Variants in NUP214 observed in about 807,000 individuals in gnomAD.
NUP214 encodes the protein nuclear pore complex protein Nup214.
A neutral mutation model predicts 196.2 loss-of-function variants in NUP214; 79 were observed. The ratio of observed to expected loss-of-function variants is 0.40; its 90% CI spans 0.34 to 0.49. The LOEUF is 0.49. Ranked by LOEUF, NUP214 falls within the 20% of genes least tolerant of loss-of-function variation. The probability of loss-of-function intolerance (pLI) is 0.58; values close to 1 mark genes in which losing one functional copy is unlikely to be tolerated. For missense variants in NUP214, 2,468 were observed against 2,539.0 expected (o/e 0.97, Z 0.60); for synonymous variants, 1,020 against 990.5 (o/e 1.03, Z -0.56).
intron 30 of NUP214, among the ~76,000 whole-genome samples, chr9:131,207,306 G>C (rs1257970453): frequency 6.6e-6 from 1 of 152,194 alleles, no homozygotes; most frequent in Non-Finnish European, 1.5e-5. Context: ...GGACTTAGTA[G>C]GGATGGCTTG....
chr9:131,152,462 G>A (rs1022144659), intron 17 of NUP214, among the ~76,000 whole-genome samples: 14 of 151,736 alleles, frequency 9.2e-5, no homozygotes, highest in African/African-American at 2.9e-4. Context: ...GTTGAAACAT[G>A]TAAGTTGAAT....
intron 9 of NUP214, chr9:131,136,956 T>A (rs922575298): frequency 2.0e-5 from 3 of 152,240 alleles, no homozygotes; most frequent in African/African-American, 7.2e-5. Flanking sequence ...GCTCCACCCA[T>A]ACATAGGTAC....
Position 131,129,620 on chromosome 9 carries a change from T to A in NUP214, c.592+143T>A. On this transcript the variant is annotated intron_variant, in intron 4 of 35. Coordinates refer to ENST00000359428, the MANE Select transcript of NUP214 (RefSeq NM_005085.4). The stretch of plus-strand genomic sequence containing the variant: ...GGAGGTTAAGGATGGAAGGTATTCT[T>A]TTTTGAGACAGTCTCACTGTGTCGC... 3.8e-6 allele frequency: 3 copies of A among 782,024 alleles called. No individual in the cohort carries two copies. The Admixed American group carries it at 7.4e-5, about 19-fold the overall frequency. 48.4% of individuals were successfully genotyped at this position (782,024 alleles called of 1,614,324 possible).
chr9:131,172,212 C>G (rs983847732), intron 21 of NUP214, among the ~76,000 whole-genome samples: 1 of 151,618 alleles, frequency 6.6e-6, no homozygotes, highest in Non-Finnish European at 1.5e-5. Context: ...CTCTCCAGCA[C>G]CTGTTGTTTC....
At chr9:131,214,508 C>T (rs1834338582) in intron 30 of NUP214, among the ~76,000 whole-genome samples, 1 of 152,218 alleles carries the variant, frequency 6.6e-6, no homozygotes, top group African/African-American at 2.4e-5. Flanking sequence ...GGAGAGATGA[C>T]ACTTAACTAA....
At chr9:131,156,428 G>A (rs556142044) in intron 17 of NUP214, among the ~76,000 whole-genome samples, 28 of 151,960 alleles carry the variant, frequency 1.8e-4, no homozygotes, top group African/African-American at 6.5e-4. Context: ...CACTGCGCCC[G>A]GCTGAGCATG....
At chr9:131,150,108 C>T in intron 14 of NUP214, 1 of 472,956 alleles carries the variant, frequency 2.1e-6, no homozygotes, top group Non-Finnish European at 3.8e-6. Flanking sequence ...GAGGTAAGTT[C>T]CATAAGAGTT....
chr9:131,163,498 T>C (rs73543977), intron 19 of NUP214, among the ~76,000 whole-genome samples: 1 of 152,284 alleles, frequency 6.6e-6, no homozygotes, highest in African/African-American at 2.4e-5. Flanking sequence ...TAGGATTAAG[T>C]TGACTGACTT....
At chr9:131,138,144 CTCTTT>C (rs971677133) in intron 9 of NUP214, among the ~76,000 whole-genome samples, 2 of 151,858 alleles carry the variant, frequency 1.3e-5, no homozygotes, top group Non-Finnish European at 2.9e-5. Flanking sequence ...CTCTCTCTCT[CTCTTT>C]TTTCTTCTTC....
intron 15 of NUP214, 49 bp downstream of exon 15, chr9:131,150,459 G>A (rs989279730): frequency 2.4e-5 from 38 of 1,596,432 alleles, no homozygotes; most frequent in Non-Finnish European, 3.1e-5. Flanking sequence ...TGACAGACTT[G>A]GATGGGTCAG....
intron 21 of NUP214, 98 bp downstream of exon 21, chr9:131,164,242 G>C (rs1201384115): frequency 9.3e-7 from 1 of 1,070,732 alleles, no homozygotes; most frequent in Non-Finnish European, 1.4e-6. Context: ...TGTGAGCTAG[G>C]GTGCTGTGTA....
intron 17 of NUP214, among the ~76,000 whole-genome samples, chr9:131,155,412 T>G (rs1442042370): frequency 2.0e-5 from 3 of 152,250 alleles, no homozygotes; most frequent in Non-Finnish European, 4.4e-5. Flanking sequence ...ATGCATAGTT[T>G]GTGAAAATTT....
chr9:131,199,407 A>G (rs1294817194), intron 29 of NUP214, among the ~76,000 whole-genome samples: 1 of 152,200 alleles, frequency 6.6e-6, no homozygotes, highest in African/African-American at 2.4e-5. Context: ...AGACTGCTCT[A>G]ATGTCAGGAT....
At chr9:131,188,116 A>G (rs1833505048) in intron 25 of NUP214, among the ~76,000 whole-genome samples, 2 of 152,222 alleles carry the variant, frequency 1.3e-5, no homozygotes, top group Non-Finnish European at 2.9e-5. Context: ...CTGGGACCCA[A>G]GGCTTCTGAC....
chr9:131,170,728 T>C (rs1832931795), intron 21 of NUP214, among the ~76,000 whole-genome samples: 1 of 152,126 alleles, frequency 6.6e-6, no homozygotes, highest in Admixed American at 6.5e-5. Context: ...CTTGTAACTA[T>C]GGAAACAATG....
intron 30 of NUP214, among the ~76,000 whole-genome samples, chr9:131,211,822 A>G (rs189956054): frequency 1.6e-4 from 25 of 152,266 alleles, no homozygotes; most frequent in Admixed American, 1.4e-3. Context: ...CCCTGTGATG[A>G]TTGCATTATC....
chr9:131,223,883 C>T (rs1260889115), intron 32 of NUP214, among the ~76,000 whole-genome samples: 4 of 150,174 alleles, frequency 2.7e-5, no homozygotes, highest in Non-Finnish European at 4.4e-5. Context: ...TACAGGCGCC[C>T]GCCACCACGC....
intron 31 of NUP214, among the ~76,000 whole-genome samples, chr9:131,220,611 G>T (rs1474687513): frequency 1.3e-5 from 2 of 152,224 alleles, no homozygotes; most frequent in Non-Finnish European, 2.9e-5. Flanking sequence ...CCTTTTCCGA[G>T]AGTCTACAAC....
At chr9:131,193,131 T>G (rs141999364) in intron 27 of NUP214, among the ~76,000 whole-genome samples, 8 of 152,184 alleles carry the variant, frequency 5.3e-5, no homozygotes, top group African/African-American at 1.9e-4. Flanking sequence ...TTGAGTTGTT[T>G]TTAAAAATGA....
Sources: allele counts gnomAD v4.1 joint callset (sites outside exome capture counted in the v4.1 genomes callset), GRCh38; gene constraint gnomAD v4.1.1; transcripts MANE v1.5; gene names NCBI Gene and HGNC (gene_info 2026-07-23, HGNC 2026-07-21).